The following HTT variants were observed in gnomAD, a reference collection of about 807,000 sequenced individuals.
The protein encoded by HTT is huntingtin.
Under a neutral mutation model 362.3 loss-of-function variants are expected in HTT, and 104 were observed. The ratio of observed to expected loss-of-function variants is 0.29; its 90% CI spans 0.24 to 0.34. The LOEUF is 0.34. HTT is among the 10% of genes least tolerant of loss of function. The probability of loss-of-function intolerance (pLI) is 1.00; values close to 1 mark genes in which losing one functional copy is unlikely to be tolerated. For missense variants in HTT, 3,301 were observed against 3,928.6 expected, an observed-to-expected ratio of 0.84 and a Z score of 4.27; for synonymous variants, 1,577 against 1,548.7, an observed-to-expected ratio of 1.02 and a Z score of -0.43.
Position 3,240,086 on chromosome 4 carries a change from C to A in HTT, c.*27C>A. On this transcript the variant is annotated 3_prime_UTR_variant, in exon 67 of 67. Coordinates refer to ENST00000355072, the MANE Select transcript of HTT (RefSeq NM_001388492.1). ...CGCCATGGTGGGAGAGACTGTGAGGCGGCAGCTGGGGCCGGAGCCTTTGGA... is the reference window on the plus strand; with the variant it reads ...CGCCATGGTGGGAGAGACTGTGAGGAGGCAGCTGGGGCCGGAGCCTTTGGA... 6.5e-7 allele frequency: 1 copy of A among 1,545,334 alleles called. No individual in the cohort carries two copies. Among genetic ancestry groups the A allele is most frequent in the Admixed American group, 1.9e-5 (1 of 52,668 alleles).
At chr4:3,080,618 T>C (rs1162026872) in intron 1 of HTT, among the ~76,000 whole-genome samples, 1 of 152,258 alleles carries the variant, frequency 6.6e-6, no homozygotes, top group East Asian at 1.9e-4. Flanking sequence ...AAGTCGAGTT[T>C]ATCTATTTTG....
intron 54 of HTT, 50 bp downstream of exon 54, chr4:3,222,537 G>T (rs765640296): frequency 1.5e-6 from 2 of 1,371,778 alleles, no homozygotes; most frequent in East Asian, 2.3e-5. Flanking sequence ...ATGGCCGCTT[G>T]CAGGCCTTTG....
chr4:3,215,470 G>A lies in HTT; in HGVS notation c.7054+259G>A, dbSNP rs550059684. Reference sequence around the variant, plus strand: ...CCAGCTGGGATGCCACTGGGGGAGCGCTCCCTTCCCCCCGCACTTCCCACA... The same window carrying A: ...CCAGCTGGGATGCCACTGGGGGAGCACTCCCTTCCCCCCGCACTTCCCACA... On this transcript the variant is annotated intron_variant, in intron 51 of 66. Transcript: ENST00000355072. Among the ~76,000 whole-genome samples the A allele has an allele frequency of 4.6e-5, 7 of 152,024 alleles. No homozygotes were observed. In the South Asian group the frequency reaches 6.2e-4, roughly 14 times the overall value.
chr4:3,157,027 T>G, intron 27 of HTT, 45 bp from the exon 28 acceptor site: 1 of 1,520,982 alleles, frequency 6.6e-7, no homozygotes, highest in South Asian at 1.2e-5. Flanking sequence ...ACTTGGCAAG[T>G]TATTTTGATC....
chr4:3,105,803 T>G (rs1282041268), intron 5 of HTT, among the ~76,000 whole-genome samples: 1 of 152,238 alleles, frequency 6.6e-6, no homozygotes, highest in Non-Finnish European at 1.5e-5. Context: ...CCAATTTCAT[T>G]ATTGCTGACT....
chr4:3,094,978 G>T (rs1275128282), intron 2 of HTT, among the ~76,000 whole-genome samples: 2 of 152,082 alleles, frequency 1.3e-5, no homozygotes, highest in East Asian at 1.9e-4. Context: ...GGGCGGCCGG[G>T]CAGAGATGCT....
rs1287082355 is a variant in HTT, at chr4:3,146,798, G to A, written c.3145G>A (p.Val1049Met). ...CIWSLGWHCG[V>M]PPLSASDESR... ...GACTTTGCAAATGTCTGCTTCCAGA[G>A]TGCCTCCACTGAGTGCCTCAGATGA... The change falls in exon 25 of 67, where the codon GTG (valine) becomes ATG (methionine). Residue 1049 changes from valine to methionine, a missense_variant and splice_region_variant. By Grantham distance (21) the Val-to-Met change is conservative (BLOSUM62 1). Transcript: ENST00000355072. 2 of 1,613,680 alleles carry A rather than the reference G, an allele frequency of 1.2e-6. No individual in the cohort carries two copies. The highest frequency in any genetic ancestry group is 1.7e-6 in the Non-Finnish European group (2 of 1,179,612).
chr4:3,133,491 C>T (rs1156327736), intron 18 of HTT, among the ~76,000 whole-genome samples: 3 of 142,368 alleles, frequency 2.1e-5, no homozygotes, highest in Non-Finnish European at 4.5e-5. Context: ...GTGAGACTGT[C>T]TCAAAAATAA....
intron 40 of HTT, among the ~76,000 whole-genome samples, chr4:3,199,233 G>C (rs1719411478): frequency 6.6e-6 from 1 of 152,172 alleles, no homozygotes; most frequent in African/African-American, 2.4e-5. Flanking sequence ...TAGCTTTCTT[G>C]ACCAGTCCAT....
At position 3,223,495 on chromosome 4, in the gene HTT, C is replaced by T. The variant is rs1474594068; in HGVS notation, c.7560C>T (p.Gly2520=). 2 of 1,613,876 alleles carry T rather than the reference C, an allele frequency of 1.2e-6. No homozygotes were observed. The highest frequency in any genetic ancestry group is 1.7e-6 in the Non-Finnish European group (2 of 1,179,920). Residue 2520 remains glycine (G), a synonymous_variant, in exon 55 of 67, where the codon GGC becomes GGT. Transcript: ENST00000355072. Reference sequence around the variant, plus strand: ...GTGCAATGACTGTGCCTGTGGCCGGCAACCCAGCTGTAAGCTGCTTGGAGC... The same window carrying T: ...GTGCAATGACTGTGCCTGTGGCCGGTAACCCAGCTGTAAGCTGCTTGGAGC... The part of the protein sequence containing the change: ...VLSAMTVPVA[G]NPAVSCLEQQ...
intron 60 of HTT, among the ~76,000 whole-genome samples, chr4:3,232,284 C>T (rs375986933): frequency 2.0e-5 from 3 of 152,134 alleles, no homozygotes; most frequent in East Asian, 1.9e-4. Context: ...ATTTCCCCTG[C>T]GGAGAGGCTC....
Position 3,239,849 on chromosome 4 carries a change from C to T in HTT, c.9219C>T (p.Leu3073=), listed in dbSNP as rs376179430. 43 of 1,555,392 alleles carry T rather than the reference C, an allele frequency of 2.8e-5. No homozygotes were observed. Among genetic ancestry groups the T allele is most frequent in the Non-Finnish European group, 3.7e-5 (42 of 1,148,828 alleles). ...TTTTCCTTAACTCCTGCACCAGCCT[C>T]CCACATGTCATCAGCAGGATGGGCA... ...ASTSPWVAAI[L]PHVISRMGKL... is the part of the protein sequence containing the mutation. Residue 3073 remains leucine (L), a synonymous_variant, in exon 67 of 67, where the codon CTC becomes CTT. Transcript: ENST00000355072.
chr4:3,228,599 C>T lies in HTT; in HGVS notation c.7849-16C>T, dbSNP rs373198030. The T allele has an allele frequency of 7.1e-6, 11 of 1,547,426 alleles. No homozygotes were observed. The highest frequency in any genetic ancestry group is 4.5e-5 in the East Asian group (2 of 44,270). On this transcript the variant is annotated splice_polypyrimidine_tract_variant and intron_variant, in intron 57 of 66. Coordinates refer to ENST00000355072, the MANE Select transcript of HTT (RefSeq NM_001388492.1). The surrounding 1 kb of genome is among the most constrained non-coding windows in gnomAD (Gnocchi z 4.3). Reference sequence around the variant, plus strand: ...CTGTGGCCGCAGCACTGAGCAGTGCCCCGTTTCTGTGGCAGGTGTCCATAC... The same window carrying T: ...CTGTGGCCGCAGCACTGAGCAGTGCTCCGTTTCTGTGGCAGGTGTCCATAC...
intron 45 of HTT, among the ~76,000 whole-genome samples, chr4:3,208,165 T>C (rs1719962116): frequency 6.6e-6 from 1 of 152,216 alleles, no homozygotes; most frequent in South Asian, 2.1e-4. Context: ...GTGGACAGTT[T>C]GGGATGATTT....
chr4:3,186,897 C>T (rs112496004), intron 38 of HTT, among the ~76,000 whole-genome samples, 178 bp downstream of exon 38: 2,556 of 136,368 alleles, frequency 0.019, 36 homozygotes, highest in Non-Finnish European at 0.027. Context: ...CTCACTCTGT[C>T]GCCCAGGCTG....
chr4:3,141,376 C>T (rs1277605919), intron 22 of HTT, among the ~76,000 whole-genome samples: 1 of 152,120 alleles, frequency 6.6e-6, no homozygotes, highest in African/African-American at 2.4e-5. Flanking sequence ...TCACTTGATG[C>T]TTTTTTTCTG....
chr4:3,108,790 A>T (rs962595107), intron 6 of HTT, among the ~76,000 whole-genome samples: 4 of 152,082 alleles, frequency 2.6e-5, no homozygotes, highest in Admixed American at 2.0e-4. Context: ...TTGTGCCTAT[A>T]ATTGTAGCTA....
chr4:3,212,241 T>C (rs541506046), intron 48 of HTT, 99 bp downstream of exon 48: 356 of 941,834 alleles, frequency 3.8e-4, no homozygotes, highest in Non-Finnish European at 5.3e-4. Context: ...GTGGATCTAA[T>C]ACATTGAAAG....
Position 3,199,714 on chromosome 4 carries a change from C to T in HTT, c.5369-18C>T, listed in dbSNP as rs867554355. ...CCGAGATGAAAGCAAAGACATTTCT[C>T]CTTAACTTTGTTTCTAGGAATGTTC... On this transcript the variant is annotated intron_variant, in intron 40 of 66. Coordinates refer to ENST00000355072, the MANE Select transcript of HTT (RefSeq NM_001388492.1). 3 of 1,610,598 alleles carry T rather than the reference C, an allele frequency of 1.9e-6. No homozygotes were observed. The highest frequency in any genetic ancestry group is 2.2e-5 in the South Asian group (2 of 91,048).
Sources: allele counts gnomAD v4.1 joint callset (sites outside exome capture counted in the v4.1 genomes callset), GRCh38; gene constraint gnomAD v4.1.1; non-coding constraint Gnocchi (gnomAD v3.1); transcripts MANE v1.5; gene names NCBI Gene and HGNC (gene_info 2026-07-23, HGNC 2026-07-21).